The following KLHL13 variants were observed in gnomAD, a reference collection of about 807,000 sequenced individuals.
The protein encoded by KLHL13 is kelch-like protein 13.
A neutral mutation model predicts 37.1 loss-of-function variants in KLHL13; 10 were observed. The ratio of observed to expected loss-of-function variants is 0.27; its 90% CI spans 0.17 to 0.46. The LOEUF is 0.46. KLHL13 is among the 20% of genes least tolerant of loss of function. The pLI, the probability that KLHL13 is intolerant of heterozygous loss-of-function variation, is 1.00. For missense variants in KLHL13, 360 were observed against 509.3 expected (o/e 0.71, Z 2.82); for synonymous variants, 163 against 181.2 (o/e 0.90, Z 0.81).
intron 1 of KLHL13, among the ~76,000 whole-genome samples, chrX:118,029,172 G>C (rs2054308227): frequency 9.0e-6 from 1 of 111,497 alleles, no homozygotes; most frequent in African/African-American, 3.3e-5. Context: ...GACCCTGTAT[G>C]AAGTTGGGTT....
At chrX:117,999,929 T>C (rs1027550885) in intron 1 of KLHL13, among the ~76,000 whole-genome samples, 1 of 111,640 alleles carries the variant, frequency 9.0e-6, no homozygotes, top group Non-Finnish European at 1.9e-5. Context: ...AGGACAAGAA[T>C]TGTGCAGCTG....
intron 2 of KLHL13, among the ~76,000 whole-genome samples, chrX:117,928,968 A>G (rs1436713404): frequency 8.9e-6 from 1 of 111,791 alleles, no homozygotes. Context: ...AAGAGAGAAT[A>G]TACAAATTAC....
At chrX:117,962,991 A>G (rs1012259467) in intron 1 of KLHL13, among the ~76,000 whole-genome samples, 6 of 112,433 alleles carry the variant, frequency 5.3e-5, no homozygotes, top group African/African-American at 1.9e-4. Flanking sequence ...ACATTTAACT[A>G]TGCTAAACTA....
chrX:118,094,638 G>C (rs1359086402), intron 1 of KLHL13, among the ~76,000 whole-genome samples: 4 of 110,750 alleles, frequency 3.6e-5, no homozygotes, highest in Non-Finnish European at 5.7e-5. Flanking sequence ...GACAGCCAGA[G>C]AGAAAGGTCG....
At chrX:118,089,612 GAAAGAAAGAGAA>G (rs1191036890) in intron 1 of KLHL13, among the ~76,000 whole-genome samples, 1 of 57,641 alleles carries the variant, frequency 1.7e-5, no homozygotes, top group Admixed American at 2.1e-4. Flanking sequence ...GAGAGAGAGA[GAAAGAAAGAGAA>G]AGAAAGAAAG....
chrX:118,000,379 G>A (rs1448113021), intron 1 of KLHL13, among the ~76,000 whole-genome samples: 1 of 112,036 alleles, frequency 8.9e-6, no homozygotes, highest in Non-Finnish European at 1.9e-5. Context: ...AAGTATATTT[G>A]GAGATTTTTA....
intron 1 of KLHL13, among the ~76,000 whole-genome samples, chrX:117,991,353 T>C (rs2053788331): frequency 9.1e-6 from 1 of 109,981 alleles, no homozygotes; most frequent in Non-Finnish European, 1.9e-5. Context: ...TAAAGGTGAA[T>C]GCCCAGAACC....
At chrX:118,051,588 G>A (rs1485845430) in intron 1 of KLHL13, among the ~76,000 whole-genome samples, 1 of 110,603 alleles carries the variant, frequency 9.0e-6, no homozygotes, top group Non-Finnish European at 1.9e-5. Context: ...AAATTTTATG[G>A]AAGCACATAA....
At chrX:117,919,864 T>A in intron 3 of KLHL13, 147 bp from the exon 5 acceptor site, 1 of 480,603 alleles carries the variant, frequency 2.1e-6, no homozygotes. Flanking sequence ...CATTTTACTG[T>A]TAAAAGAAAG....
intron 1 of KLHL13, among the ~76,000 whole-genome samples, chrX:118,066,055 G>GT (rs2054791534): frequency 9.0e-6 from 1 of 111,653 alleles, no homozygotes; most frequent in African/African-American, 3.3e-5. Context: ...GTAATGACAG[G>GT]TAATATTTAT....
intron 4 of KLHL13, among the ~76,000 whole-genome samples, chrX:117,910,857 T>A (rs553701715): frequency 1.4e-3 from 159 of 110,879 alleles, no homozygotes; most frequent in African/African-American, 4.6e-3. Flanking sequence ...TTCAGCACAT[T>A]CTGTTTCTCT....
chrX:118,014,303 G>T (rs777127590), intron 1 of KLHL13, among the ~76,000 whole-genome samples: 1 of 111,574 alleles, frequency 9.0e-6, no homozygotes, highest in African/African-American at 3.3e-5. Flanking sequence ...ATAGATGGTT[G>T]CTCTGGAAGT....
intron 1 of KLHL13, among the ~76,000 whole-genome samples, chrX:118,107,896 A>G (rs2055362945): frequency 9.0e-6 from 1 of 111,447 alleles, no homozygotes; most frequent in African/African-American, 3.3e-5. Flanking sequence ...TACAAAAAAT[A>G]CATAAAATTA....
At chrX:118,005,000 G>C (rs771104372) in intron 1 of KLHL13, among the ~76,000 whole-genome samples, 3 of 112,422 alleles carry the variant, frequency 2.7e-5, no homozygotes, top group Non-Finnish European at 5.6e-5. Flanking sequence ...AGAAGACTGA[G>C]AAAGTGTTCC....
chrX:117,957,369 C>T (rs887522312), intron 1 of KLHL13, among the ~76,000 whole-genome samples: 2 of 112,062 alleles, frequency 1.8e-5, no homozygotes, highest in African/African-American at 6.5e-5. Context: ...GTCAAGGCTT[C>T]CTGGCCTCAC....
At chrX:117,902,295 A>T (rs1930147622) in intron 5 of KLHL13, among the ~76,000 whole-genome samples, 1 of 111,588 alleles carries the variant, frequency 9.0e-6, no homozygotes, top group Admixed American at 9.5e-5. Flanking sequence ...GGATGAAAAA[A>T]ATCAAAAGAA....
At chrX:118,062,756 C>G (rs1442747005) in intron 1 of KLHL13, among the ~76,000 whole-genome samples, 1 of 110,910 alleles carries the variant, frequency 9.0e-6, no homozygotes, top group African/African-American at 3.3e-5. Flanking sequence ...ATTAAACAAA[C>G]TGCTACAAAA....
chrX:117,925,321 T>C (rs1296983167), intron 2 of KLHL13, among the ~76,000 whole-genome samples: 1 of 112,033 alleles, frequency 8.9e-6, no homozygotes, highest in Non-Finnish European at 1.9e-5. Flanking sequence ...CTAGTTTTGA[T>C]CATTGTCATT....
rs192678383 is a variant in KLHL13 at position 118,063,537 on chromosome X, T to G, written c.-56+52971A>C. 1.6e-4 allele frequency among the ~76,000 whole-genome samples: 18 copies of G among 111,937 alleles called. No individual in the cohort carries two copies. In the South Asian group the frequency reaches 1.9e-3, roughly 12 times the overall value. On this transcript the variant is annotated intron_variant, in intron 1 of 6. Coordinates refer to the KLHL13 transcript ENST00000371882. ...TAATTAGGTACTTTCAGAACAGAAA[T>G]GCTGAGAGCAGTTTGGTCAAAACTC... is the stretch of plus-strand genomic sequence containing the variant.
Sources: gnomAD v4.1 joint callset for allele counts (sites outside exome capture counted in the v4.1 genomes callset) on GRCh38, gnomAD v4.1.1 for gene constraint, MANE v1.5 for transcripts, NCBI Gene and HGNC (gene_info 2026-07-23, HGNC 2026-07-21) for gene names.